TADA2A: variants seen among roughly 807,000 people sequenced by gnomAD.
TADA2A encodes the protein transcriptional adapter 2-alpha.
TADA2A carries 38 observed loss-of-function variants against 67.4 expected under a neutral mutation model. The observed-to-expected ratio is 0.56, with a 90% CI of 0.44 to 0.74. The LOEUF is 0.74. TADA2A is among the 30% of genes least tolerant of loss of function. TADA2A has a pLI of 0.00. For synonymous variants in TADA2A, 192 were observed against 181.6 expected, an observed-to-expected ratio of 1.06 and a Z score of -0.46; for missense variants, 454 against 547.0, an observed-to-expected ratio of 0.83 and a Z score of 1.70.
intron 3 of TADA2A, 36 bp from the exon 4 acceptor site, chr17:37,426,914 G>A (rs774901030): frequency 1.9e-6 from 3 of 1,570,984 alleles, no homozygotes; most frequent in South Asian, 2.4e-5. Flanking sequence ...CTTTAAGAAA[G>A]TAGCTTTTGC....
At chr17:37,424,948 G>C (rs1366155943) in intron 3 of TADA2A, among the ~76,000 whole-genome samples, 1 of 151,862 alleles carries the variant, frequency 6.6e-6, no homozygotes, top group Non-Finnish European at 1.5e-5. Flanking sequence ...TGCAAGCTGT[G>C]CCTCTCGGGT....
At chr17:37,432,595 C>G (rs745734632) in intron 4 of TADA2A, among the ~76,000 whole-genome samples, 1 of 152,120 alleles carries the variant, frequency 6.6e-6, no homozygotes, top group Non-Finnish European at 1.5e-5. Flanking sequence ...ATCCATTCTC[C>G]CTTTGATGGA....
At chr17:37,424,118 AT>A (rs1489441635) in intron 3 of TADA2A, among the ~76,000 whole-genome samples, 2 of 152,034 alleles carry the variant, frequency 1.3e-5, no homozygotes, top group African/African-American at 4.8e-5. Context: ...CAGACTGTTG[AT>A]TAGTCCACAT....
intron 8 of TADA2A, 30 bp downstream of exon 8, chr17:37,444,798 G>A (rs776964182): frequency 1.4e-5 from 23 of 1,594,890 alleles, no homozygotes; most frequent in South Asian, 3.3e-5. Context: ...AATGTTTATC[G>A]AGCGCCAACT....
chr17:37,449,476 T>C lies in TADA2A; in HGVS notation c.604+4708T>C, dbSNP rs539910979. On this transcript the variant is annotated intron_variant, in intron 8 of 15. Transcript: ENST00000615182. ...AACCTTATGAGTTGCATATTATTATTATCCTCATTTTTGTGGATGAGGACA... is the reference window on the plus strand; with the variant it reads ...AACCTTATGAGTTGCATATTATTATCATCCTCATTTTTGTGGATGAGGACA... Among the ~76,000 whole-genome samples the C allele has an allele frequency of 5.1e-4, 78 of 152,342 alleles. 1 individual carries two copies. The Middle Eastern group carries it at 0.017, about 33-fold the overall frequency.
chr17:37,411,537 C>T lies in TADA2A; in HGVS notation c.25+147C>T, dbSNP rs2147895084. The T allele has an allele frequency of 1.1e-5, 8 of 739,316 alleles. No individual in the cohort carries two copies. In the South Asian group the frequency reaches 1.3e-4, roughly 12 times the overall value. The allele number at this position is 739,316 out of a possible 1,614,324, so 45.8% of individuals were successfully genotyped here. A position where few individuals can be genotyped will look rare whatever the true frequency, so the allele number is the denominator to read the frequency against. On this transcript the variant is annotated intron_variant, in intron 2 of 15. Coordinates refer to ENST00000615182, the MANE Select transcript of TADA2A (RefSeq NM_001166105.3). ...TCCCGGCTTTAAACGGTTCTCCTGCCTCAGCCGCCTGAGTAGCTAGGACTA... is the reference window on the plus strand; with the variant it reads ...TCCCGGCTTTAAACGGTTCTCCTGCTTCAGCCGCCTGAGTAGCTAGGACTA...
In TADA2A at chr17:37,420,285, T is replaced by G. The variant is rs1032012145; in HGVS notation, c.26-3224T>G. ...AGCAACATAGCAAGATTTGTTCTTC[T>G]GCATTAAAATTTAAAATGGGGGAAA... On this transcript the variant is annotated intron_variant, in intron 2 of 15. Transcript: ENST00000615182. Among the ~76,000 whole-genome samples the G allele has an allele frequency of 2.7e-5, 4 of 146,674 alleles. 1 individual carries two copies. The highest frequency in any genetic ancestry group is 6.1e-5 in the Non-Finnish European group (4 of 65,746).
intron 2 of TADA2A, among the ~76,000 whole-genome samples, chr17:37,421,971 C>T (rs1166404493): frequency 6.9e-6 from 1 of 144,526 alleles, no homozygotes; most frequent in Non-Finnish European, 1.5e-5. Flanking sequence ...CTCCGCCTCC[C>T]GGGTTCAAGC....
At chr17:37,456,047 T>TA (rs1408570983) in intron 8 of TADA2A, among the ~76,000 whole-genome samples, 2 of 151,864 alleles carry the variant, frequency 1.3e-5, no homozygotes, top group African/African-American at 2.4e-5. Flanking sequence ...CTACTAAAAA[T>TA]ACAAAAATTA....
chr17:37,426,420 A>G (rs901223674), intron 3 of TADA2A: 1 of 152,154 alleles, frequency 6.6e-6, no homozygotes, highest in African/African-American at 2.4e-5. Context: ...CTGTAATCCC[A>G]GCACTTTGGG....
chr17:37,413,079 A>T (rs1049388977), intron 2 of TADA2A, among the ~76,000 whole-genome samples: 6 of 151,988 alleles, frequency 3.9e-5, no homozygotes, highest in African/African-American at 1.4e-4. Flanking sequence ...GGCGTCTGCC[A>T]CCACGCCCGG....
At chr17:37,467,214 T>C (rs1418913129) in intron 11 of TADA2A, among the ~76,000 whole-genome samples, 1 of 152,166 alleles carries the variant, frequency 6.6e-6, no homozygotes, top group Non-Finnish European at 1.5e-5. Flanking sequence ...TTCACTAAGT[T>C]TTCTAGAAGA....
In TADA2A at chr17:37,462,105, C is replaced by T. The variant is rs1411422353; in HGVS notation, c.696C>T (p.Asn232=). 1 of 1,570,132 alleles carries T rather than the reference C, an allele frequency of 6.4e-7. No individual in the cohort carries two copies. Among genetic ancestry groups the T allele is most frequent in the Non-Finnish European group, 8.7e-7 (1 of 1,149,808 alleles). The change falls in exon 10 of 16, where the codon AAC becomes AAT. Residue 232 remains asparagine, a synonymous_variant. Transcript: ENST00000615182. ...KKIIRDHGLI[N]LRKFQLMERR... ...TTATAAGAGACCATGGATTAATCAA[C>T]CTTAGAAAGTTTCAATGTAAGTATT...
chr17:37,417,065 C>T (rs995378115), intron 2 of TADA2A, among the ~76,000 whole-genome samples: 2 of 151,836 alleles, frequency 1.3e-5, no homozygotes, highest in African/African-American at 2.4e-5. Flanking sequence ...AAATATATAT[C>T]CTGAGGAACA....
rs2052424063 is a variant in TADA2A at position 37,426,816 on chromosome 17, G to A, written c.133-134G>A. The A allele has an allele frequency of 1.4e-5, 10 of 724,338 alleles. No individual in the cohort carries two copies. The South Asian group carries it at 1.5e-4, about 11-fold the overall frequency. The allele number at this position is 724,338 out of a possible 1,614,324, so 44.9% of individuals were successfully genotyped here. A position where few individuals can be genotyped will look rare whatever the true frequency, so the allele number is the denominator to read the frequency against. ...GCTATGATGGTGCCACTGCACTTCGGCCTGGGTGACAGAACGAGACCCTGT... is the reference window on the plus strand; with the variant it reads ...GCTATGATGGTGCCACTGCACTTCGACCTGGGTGACAGAACGAGACCCTGT... On this transcript the variant is annotated intron_variant, in intron 3 of 15. Coordinates refer to ENST00000615182, the MANE Select transcript of TADA2A (RefSeq NM_001166105.3).
chr17:37,472,538 A>G (rs1364423599), intron 14 of TADA2A, among the ~76,000 whole-genome samples: 1 of 152,152 alleles, frequency 6.6e-6, no homozygotes, highest in Non-Finnish European at 1.5e-5. Context: ...TCTAAATACA[A>G]CTAAGTTAAT....
At chr17:37,438,283 C>T (rs562156286) in intron 5 of TADA2A, among the ~76,000 whole-genome samples, 2 of 152,300 alleles carry the variant, frequency 1.3e-5, no homozygotes, top group Admixed American at 1.3e-4. Context: ...CAAACACCTA[C>T]CTGCCTTAGT....
At chr17:37,435,311 C>T (rs28856667) in intron 4 of TADA2A, among the ~76,000 whole-genome samples, 33,951 of 152,004 alleles carry the variant, frequency 0.22, 3,926 homozygotes, top group Middle Eastern at 0.35. Flanking sequence ...GTTTTTGAAA[C>T]GGAGTCTCTC....
At position 37,447,799 on chromosome 17, in the gene TADA2A, A is replaced by G. The variant is rs544780791; in HGVS notation, c.604+3031A>G. Among the ~76,000 whole-genome samples the G allele has an allele frequency of 2.0e-5, 3 of 152,290 alleles. No individual in the cohort carries two copies. The South Asian group carries it at 6.2e-4, about 32-fold the overall frequency. ...CTGTCACTCGCAGAACACTCAGTGA[A>G]GTGCACTAGGAGCCCATGGAAAGTC... On this transcript the variant is annotated intron_variant, in intron 8 of 15. Coordinates refer to ENST00000615182, the MANE Select transcript of TADA2A (RefSeq NM_001166105.3).
Sources: allele counts gnomAD v4.1 joint callset (sites outside exome capture counted in the v4.1 genomes callset), GRCh38; gene constraint gnomAD v4.1.1; transcripts MANE v1.5; gene names NCBI Gene and HGNC (gene_info 2026-07-23, HGNC 2026-07-21).